Variants in ZCCHC17 observed in about 807,000 individuals in gnomAD.
ZCCHC17 encodes the protein zinc finger CCHC-type containing 17.
In ZCCHC17, 18 loss-of-function variants were observed where a neutral mutation model predicts 30.6. The ratio of observed to expected loss-of-function variants is 0.59; its 90% CI spans 0.41 to 0.87. ZCCHC17 has a LOEUF of 0.87. Ranked by LOEUF, ZCCHC17 falls within the 40% of genes least tolerant of loss-of-function variation. ZCCHC17 has a pLI of 0.00. For missense variants in ZCCHC17, 263 were observed against 284.2 expected (o/e 0.93, Z 0.54); for synonymous variants, 88 against 92.4 (o/e 0.95, Z 0.27).
At chr1:31,354,550 C>A (rs1639576304) in intron 7 of ZCCHC17, among the ~76,000 whole-genome samples, 1 of 152,138 alleles carries the variant, frequency 6.6e-6, no homozygotes, top group African/African-American at 2.4e-5. Context: ...ATGTTCCAAG[C>A]ATTATTCTTT....
At chr1:31,324,420 G>A (rs1250615137) in intron 3 of ZCCHC17, among the ~76,000 whole-genome samples, 2 of 152,204 alleles carry the variant, frequency 1.3e-5, no homozygotes, top group Non-Finnish European at 2.9e-5. Flanking sequence ...CCCCTTATGA[G>A]TTAGTGGGGT....
intron 3 of ZCCHC17, among the ~76,000 whole-genome samples, chr1:31,330,712 G>A (rs1314025124): frequency 6.6e-6 from 1 of 152,142 alleles, no homozygotes; most frequent in Non-Finnish European, 1.5e-5. Flanking sequence ...TGTGATCCTG[G>A]ATAATTTATA....
At chr1:31,348,228 A>G (rs1557454646) in intron 6 of ZCCHC17, among the ~76,000 whole-genome samples, 1 of 152,206 alleles carries the variant, frequency 6.6e-6, no homozygotes, top group Non-Finnish European at 1.5e-5. Context: ...GCTTCTGTCT[A>G]TATGACCTTG....
intron 2 of ZCCHC17, among the ~76,000 whole-genome samples, chr1:31,314,074 A>C (rs1011618312): frequency 6.6e-6 from 1 of 152,110 alleles, no homozygotes; most frequent in Non-Finnish European, 1.5e-5. Context: ...CATGTTGGCC[A>C]GGCTGACTTC....
At chr1:31,355,747 G>C (rs1464937072) in intron 7 of ZCCHC17, among the ~76,000 whole-genome samples, 2 of 152,098 alleles carry the variant, frequency 1.3e-5, no homozygotes, top group Non-Finnish European at 2.9e-5. Flanking sequence ...GTGGGTTTTT[G>C]TTTTGTTCCC....
intron 7 of ZCCHC17, among the ~76,000 whole-genome samples, chr1:31,357,457 C>T (rs1639685017): frequency 6.6e-6 from 1 of 152,212 alleles, no homozygotes; most frequent in African/African-American, 2.4e-5. Context: ...CACTATACTC[C>T]AGCTTCATTC....
At chr1:31,300,095 C>G (rs1646271788) in intron 1 of ZCCHC17, among the ~76,000 whole-genome samples, 1 of 152,198 alleles carries the variant, frequency 6.6e-6, no homozygotes, top group Admixed American at 6.5e-5. Context: ...CAGTCTTACT[C>G]TGTTGCCCAG....
At chr1:31,301,090 T>G (rs1646299777) in intron 1 of ZCCHC17, among the ~76,000 whole-genome samples, 2 of 152,216 alleles carry the variant, frequency 1.3e-5, no homozygotes, top group Non-Finnish European at 2.9e-5. Context: ...TTTTAGGGAT[T>G]GAAAGCAGGT....
intron 5 of ZCCHC17, among the ~76,000 whole-genome samples, chr1:31,343,643 T>C (rs551720194): frequency 6.6e-6 from 1 of 151,894 alleles, no homozygotes; most frequent in Non-Finnish European, 1.5e-5. Context: ...GTACAGTCTT[T>C]TTCTTTTTTA....
intron 7 of ZCCHC17, among the ~76,000 whole-genome samples, chr1:31,350,774 A>AT (rs997563155): frequency 6.6e-6 from 1 of 151,754 alleles, no homozygotes; most frequent in Non-Finnish European, 1.5e-5. Context: ...TAATTTTTGT[A>AT]TTTTTTTAGT....
At chr1:31,326,808 A>G (rs917858548) in intron 3 of ZCCHC17, among the ~76,000 whole-genome samples, 1 of 152,180 alleles carries the variant, frequency 6.6e-6, no homozygotes, top group African/African-American at 2.4e-5. Flanking sequence ...CCTGAGATCT[A>G]TAGGTTTATT....
At chr1:31,337,468 A>G (rs1638866024) in intron 4 of ZCCHC17, among the ~76,000 whole-genome samples, 193 bp downstream of exon 4, 1 of 152,204 alleles carries the variant, frequency 6.6e-6, no homozygotes, top group Non-Finnish European at 1.5e-5. Flanking sequence ...GAATGATATG[A>G]GCTATAAAAG....
intron 7 of ZCCHC17, among the ~76,000 whole-genome samples, chr1:31,362,059 C>T (rs2148487772): frequency 6.6e-6 from 1 of 152,316 alleles, no homozygotes; most frequent in South Asian, 2.1e-4. Flanking sequence ...ATCCACCTGC[C>T]TTGGCCTCCC....
intron 5 of ZCCHC17, among the ~76,000 whole-genome samples, chr1:31,340,487 T>A (rs1639007913): frequency 6.6e-6 from 1 of 152,080 alleles, no homozygotes; most frequent in Non-Finnish European, 1.5e-5. Flanking sequence ...CCGGCTAATT[T>A]TGTATTTTTA....
chr1:31,303,118 C>G (rs12024386), intron 1 of ZCCHC17, among the ~76,000 whole-genome samples: 5,736 of 146,308 alleles, frequency 0.039, 300 homozygotes, highest in East Asian at 0.23. Flanking sequence ...CTCTACCCCC[C>G]CTCAAAAAAA....
chr1:31,362,500 T>C (rs61780112), intron 7 of ZCCHC17, among the ~76,000 whole-genome samples: 30,507 of 152,236 alleles, frequency 0.2, 3,689 homozygotes, highest in East Asian at 0.46. Context: ...TCTCGTCTTT[T>C]GTATGGGTTT....
intron 7 of ZCCHC17, among the ~76,000 whole-genome samples, chr1:31,349,674 C>G (rs982748951): frequency 6.6e-6 from 1 of 152,152 alleles, no homozygotes; most frequent in African/African-American, 2.4e-5. Context: ...TATATAGCTA[C>G]ACATACATGT....
At chr1:31,317,045 G>A (rs1045711723) in intron 2 of ZCCHC17, among the ~76,000 whole-genome samples, 1 of 126,708 alleles carries the variant, frequency 7.9e-6, no homozygotes, top group African/African-American at 3.2e-5. Flanking sequence ...TTTTTTTTGA[G>A]ATGAAGTATC....
chr1:31,312,353 A>G (rs1317944871), intron 2 of ZCCHC17, among the ~76,000 whole-genome samples: 1 of 152,190 alleles, frequency 6.6e-6, no homozygotes. Flanking sequence ...GTTTTGTTGT[A>G]TATCTCAGTC....
Sources: allele counts gnomAD v4.1 joint callset (sites outside exome capture counted in the v4.1 genomes callset), GRCh38; gene constraint gnomAD v4.1.1; transcripts MANE v1.5; gene names NCBI Gene and HGNC (gene_info 2026-07-23, HGNC 2026-07-21).